NUCB2: variants seen among roughly 807,000 people sequenced by gnomAD.
The protein encoded by NUCB2 is nucleobindin 2, also known as nucleobindin-2.
A neutral mutation model predicts 57.9 loss-of-function variants in NUCB2; 48 were observed. The ratio of observed to expected loss-of-function variants is 0.83; its 90% confidence interval spans 0.66 to 1.05. NUCB2 has a LOEUF of 1.05. Among genes scored for constraint, NUCB2 ranks in the 50% least tolerant of loss-of-function variants. The probability of loss-of-function intolerance (pLI) is 0.00; values close to 1 mark genes in which losing one functional copy is unlikely to be tolerated. For missense variants in NUCB2, 442 were observed against 476.2 expected, an observed-to-expected ratio of 0.93 and a Z score of 0.67; for synonymous variants, 139 against 152.1, an observed-to-expected ratio of 0.91 and a Z score of 0.64.
At chr11:17,344,007 A>C (rs1952512370) in intron 2 of NUCB2, among the ~76,000 whole-genome samples, 1 of 152,196 alleles carries the variant, frequency 6.6e-6, no homozygotes, top group Non-Finnish European at 1.5e-5. Context: ...CAGTTTTTCT[A>C]GAGCTAGTTA....
intron 2 of NUCB2, among the ~76,000 whole-genome samples, chr11:17,285,920 C>T (rs938313720): frequency 1.4e-5 from 2 of 144,100 alleles, no homozygotes; most frequent in South Asian, 2.2e-4. Context: ...CACATACATG[C>T]GCGCACGTGT....
chr11:17,291,239 G>C (rs1368958223), intron 2 of NUCB2: 1 of 152,006 alleles, frequency 6.6e-6, no homozygotes, highest in Non-Finnish European at 1.5e-5. Flanking sequence ...TTTTTAAACA[G>C]ATTTCTCCTT....
At chr11:17,343,315 A>G (rs1291436753) in intron 2 of NUCB2, among the ~76,000 whole-genome samples, 1 of 152,148 alleles carries the variant, frequency 6.6e-6, no homozygotes, top group African/African-American at 2.4e-5. Context: ...AGAGAGAAAA[A>G]AAAATTGCAT....
chr11:17,295,672 A>G (rs937481477), intron 3 of NUCB2: 5 of 541,228 alleles, frequency 9.2e-6, no homozygotes, highest in African/African-American at 5.8e-5. Flanking sequence ...TTGGCCAAGC[A>G]TATGCTGTTT....
intron 2 of NUCB2, among the ~76,000 whole-genome samples, chr11:17,342,351 C>T (rs1157651376): frequency 6.6e-6 from 1 of 152,114 alleles, no homozygotes; most frequent in Non-Finnish European, 1.5e-5. Context: ...TTGCCTTCTG[C>T]TAGCTTTTGA....
intron 11 of NUCB2, among the ~76,000 whole-genome samples, chr11:17,324,522 C>T (rs951010495): frequency 3.3e-5 from 5 of 152,098 alleles, no homozygotes; most frequent in Non-Finnish European, 7.4e-5. Flanking sequence ...CAACCTTCGC[C>T]TCTCAGGTCC....
chr11:17,280,796 T>A (rs1942398709), intron 1 of NUCB2, among the ~76,000 whole-genome samples: 1 of 152,186 alleles, frequency 6.6e-6, no homozygotes. Context: ...TCCTTGGACT[T>A]TGGGAGGCTA....
At chr11:17,306,201 T>C (rs1947614883) in intron 5 of NUCB2, among the ~76,000 whole-genome samples, 1 of 152,292 alleles carries the variant, frequency 6.6e-6, no homozygotes, top group Middle Eastern at 3.4e-3. Context: ...TAGCCTCCCA[T>C]AGGTTGGTTA....
chr11:17,317,315 CAT>C (rs1004822897), intron 11 of NUCB2, among the ~76,000 whole-genome samples: 2 of 151,846 alleles, frequency 1.3e-5, no homozygotes, highest in African/African-American at 2.4e-5. Context: ...TATATATAAA[CAT>C]GTATATGTGT....
chr11:17,298,611 G>T (rs1946220181), intron 4 of NUCB2, among the ~76,000 whole-genome samples: 1 of 150,752 alleles, frequency 6.6e-6, no homozygotes, highest in South Asian at 2.1e-4. Context: ...ACAATAAAAC[G>T]CAAACCAATA....
chr11:17,324,927 G>T (rs1477473242), intron 11 of NUCB2, among the ~76,000 whole-genome samples: 1 of 151,962 alleles, frequency 6.6e-6, no homozygotes, highest in Non-Finnish European at 1.5e-5. Flanking sequence ...TCAGCCTCCT[G>T]AGTAGCTGGG....
intron 11 of NUCB2, among the ~76,000 whole-genome samples, chr11:17,326,618 T>C (rs1183288343): frequency 6.6e-6 from 1 of 152,150 alleles, no homozygotes; most frequent in African/African-American, 2.4e-5. Flanking sequence ...CGCACCTGGC[T>C]GTACTTTTTA....
At chr11:17,335,039 T>C (rs745674594), downstream of NUCB2, among the ~76,000 whole-genome samples, 1 of 152,138 alleles carries the variant, frequency 6.6e-6, no homozygotes, top group Non-Finnish European at 1.5e-5. Flanking sequence ...AAATTAAATA[T>C]AGCAGTTTAG....
At chr11:17,336,173 C>T (rs1402441971), downstream of NUCB2, among the ~76,000 whole-genome samples, 1 of 151,076 alleles carries the variant, frequency 6.6e-6, no homozygotes, top group Non-Finnish European at 1.5e-5. Context: ...AAACTCCTAA[C>T]CTCAAGTGAT....
rs180735935 is a variant in NUCB2 at position 17,310,862 on chromosome 11, A to T, written c.521A>T (p.His174Leu). Residue 174 changes from histidine to leucine, a missense_variant, in exon 7 of 14, where the codon CAT (histidine) becomes CTT (leucine). Coordinates refer to ENST00000529010, the MANE Select transcript of NUCB2 (RefSeq NM_005013.4). Reference protein sequence around the residue: ...SDLEHYDKTRHEEFKKYEMMK... With the variant: ...SDLEHYDKTRLEEFKKYEMMK... ...CTGGAACACTATGACAAGACTCGTC[A>T]TGAAGAATTTAAAAAATATGAAATG... 1 of 1,592,342 alleles carries T rather than the reference A, an allele frequency of 6.3e-7. No individual in the cohort carries two copies. Among genetic ancestry groups the T allele is most frequent in the African/African-American group, 1.4e-5 (1 of 73,304 alleles).
At chr11:17,340,728 T>C (rs962852956) in intron 2 of NUCB2, among the ~76,000 whole-genome samples, 1 of 152,236 alleles carries the variant, frequency 6.6e-6, no homozygotes, top group African/African-American at 2.4e-5. Flanking sequence ...TTGGTACCAG[T>C]ACCGTGCTGT....
At chr11:17,318,891 T>C (rs1306248832) in intron 11 of NUCB2, among the ~76,000 whole-genome samples, 2 of 152,130 alleles carry the variant, frequency 1.3e-5, no homozygotes, top group Non-Finnish European at 2.9e-5. Context: ...TTTAAACATA[T>C]CAGAGCTGGG....
intron 8 of NUCB2, 100 bp from the exon 9 acceptor site, chr11:17,311,772 C>T: frequency 1.3e-6 from 1 of 748,754 alleles, no homozygotes; most frequent in Non-Finnish European, 2.2e-6. Context: ...TGATGCTTCA[C>T]ATCAGTACTA....
Position 17,310,917 on chromosome 11 carries a change from A to T in NUCB2, c.576A>T (p.Leu192Phe), listed in dbSNP as rs1047599928. ...MMKEHERREY[L>F]KTLNEEKRKE... ...AGGAACATGAAAGGAGAGAATATTT[A>T]AAAACATTGAATGAAGAAAAGAGAA... The change falls in exon 7 of 14, where the codon TTA becomes TTT. Residue 192 changes from leucine to phenylalanine, a missense_variant. By Grantham distance (22) the Leu-to-Phe change is conservative (BLOSUM62 0). Transcript: ENST00000529010. The T allele has an allele frequency of 1.3e-6, 2 of 1,592,202 alleles. No homozygotes were observed. The highest frequency in any genetic ancestry group is 8.5e-7 in the Non-Finnish European group (1 of 1,171,806).
Sources: allele counts gnomAD v4.1 joint callset (sites outside exome capture counted in the v4.1 genomes callset), GRCh38; gene constraint gnomAD v4.1.1; transcripts MANE v1.5; gene names NCBI Gene and HGNC (gene_info 2026-07-23, HGNC 2026-07-21).